RP1: variants seen among roughly 807,000 people sequenced by gnomAD.
RP1 encodes RP1 axonemal microtubule associated.
In RP1, 16 loss-of-function variants were observed where a neutral mutation model predicts 14.8. That is an observed-to-expected ratio of 1.08 (90% CI 0.73 to 1.65). RP1 has a LOEUF of 1.65. Among genes scored for constraint, RP1 ranks in the 40% most tolerant of loss-of-function variants. The pLI is 0.00. For missense variants in RP1, 2,631 were observed against 2,535.0 expected (o/e 1.04, Z -0.81); for synonymous variants, 876 against 883.6 (o/e 0.99, Z 0.15).
At chr8:54,858,704 T>C (rs1463682235) in intron 27 of RP1, among the ~76,000 whole-genome samples, 1 of 151,222 alleles carries the variant, frequency 6.6e-6, no homozygotes. Flanking sequence ...TTCTGTAAGG[T>C]GGTGTCACTG....
intron 23 of RP1, among the ~76,000 whole-genome samples, chr8:54,779,528 T>C (rs1442973503): frequency 6.6e-6 from 1 of 152,188 alleles, no homozygotes; most frequent in African/African-American, 2.4e-5. Context: ...GGGTTAATTT[T>C]CTGAACTACA....
intron 25 of RP1, among the ~76,000 whole-genome samples, chr8:54,842,900 C>A (rs1244821556): frequency 6.6e-6 from 1 of 152,184 alleles, no homozygotes; most frequent in Non-Finnish European, 1.5e-5. Flanking sequence ...AGGCCTTGCC[C>A]AGGCCTCTGC....
At chr8:54,571,992 G>T (rs1488618464) in intron 1 of RP1, among the ~76,000 whole-genome samples, 1 of 152,114 alleles carries the variant, frequency 6.6e-6, no homozygotes, top group Non-Finnish European at 1.5e-5. Flanking sequence ...CACAAGTACT[G>T]GGGGGAAGGA....
In RP1 at chr8:54,625,982, G is replaced by C; in HGVS notation, c.2100G>C (p.Glu700Asp). 6.2e-7 allele frequency: 1 copy of C among 1,613,972 alleles called. No individual in the cohort carries two copies. The highest frequency in any genetic ancestry group is 8.5e-7 in the Non-Finnish European group (1 of 1,179,944). ...LATKGILNKNERINTKGRITK... is the reference protein window; with the variant it reads ...LATKGILNKNDRINTKGRITK... Reference sequence around the variant, plus strand: ...CCAAAGGAATTCTTAATAAGAATGAGAGAATAAACACAAAAGGTAGAATTA... The same window carrying C: ...CCAAAGGAATTCTTAATAAGAATGACAGAATAAACACAAAAGGTAGAATTA... The change falls in exon 4 of 4, where the codon GAG (glutamate) becomes GAC (aspartate). Residue 700 changes from glutamate to aspartate, a missense_variant. Glu to Asp is a conservative substitution (Grantham distance 45). Coordinates refer to ENST00000220676, the MANE Select transcript of RP1 (RefSeq NM_006269.2).
At chr8:54,672,011 G>A (rs556987087) in intron 7 of RP1, among the ~76,000 whole-genome samples, 2 of 152,196 alleles carry the variant, frequency 1.3e-5, no homozygotes, top group South Asian at 4.2e-4. Context: ...GGAGGTTTGG[G>A]ACCTCTCAAA....
chr8:54,760,061 C>A (rs973607560), intron 22 of RP1, among the ~76,000 whole-genome samples: 1 of 152,106 alleles, frequency 6.6e-6, no homozygotes, highest in Non-Finnish European at 1.5e-5. Flanking sequence ...AATAATGAGG[C>A]AATTCAACTA....
intron 22 of RP1, among the ~76,000 whole-genome samples, chr8:54,766,760 C>A (rs537311947): frequency 6.6e-6 from 1 of 152,182 alleles, no homozygotes; most frequent in African/African-American, 2.4e-5. Flanking sequence ...AAAAGACTAA[C>A]AGAATTTTTG....
intron 1 of RP1, among the ~76,000 whole-genome samples, chr8:54,619,311 C>T (rs1264288158): frequency 2.0e-5 from 3 of 152,082 alleles, no homozygotes; most frequent in Non-Finnish European, 2.9e-5. Flanking sequence ...TGGACAACAG[C>T]TTGCAAACAT....
intron 1 of RP1, among the ~76,000 whole-genome samples, chr8:54,573,988 T>C (rs1804588013): frequency 6.6e-6 from 1 of 152,200 alleles, no homozygotes; most frequent in Non-Finnish European, 1.5e-5. Context: ...AGGACCTGCA[T>C]GTGTGCAGAT....
Position 54,621,596 on chromosome 8 carries a change from G to A in RP1, c.615+15G>A. On this transcript the variant is annotated intron_variant, in intron 2 of 3. Transcript: ENST00000220676. ...ACGGAAGGAGGGTGAGCGTTCTGGGGGCTCCTCGAGCCTGAGCTCATTTTG... is the reference window on the plus strand; with the variant it reads ...ACGGAAGGAGGGTGAGCGTTCTGGGAGCTCCTCGAGCCTGAGCTCATTTTG... The A allele has an allele frequency of 6.2e-7, 1 of 1,613,962 alleles. No homozygotes were observed.
At chr8:54,673,514 C>T (rs887207830) in intron 7 of RP1, among the ~76,000 whole-genome samples, 75 of 152,064 alleles carry the variant, frequency 4.9e-4, no homozygotes, top group African/African-American at 1.6e-3. Context: ...TTGAGGCGGG[C>T]GGATTGCTTG....
In RP1 at chr8:54,628,002, A is replaced by T; in HGVS notation, c.4120A>T (p.Ile1374Phe). 1 of 1,614,072 alleles carries T rather than the reference A, an allele frequency of 6.2e-7. No individual in the cohort carries two copies. Among genetic ancestry groups the T allele is most frequent in the South Asian group, 1.1e-5 (1 of 91,082 alleles). The change falls in exon 4 of 4, where the codon ATT (isoleucine) becomes TTT (phenylalanine). Residue 1374 changes from isoleucine (I) to phenylalanine (F), a missense_variant. By Grantham distance (21) the Ile-to-Phe change is conservative. Coordinates refer to ENST00000220676, the MANE Select transcript of RP1 (RefSeq NM_006269.2). ...TGATGACATTCAGAAAGATCTAAAT[A>T]TTTTGACAGACCCTGAATATAAAAA... ...RGDDIQKDLN[I>F]LTDPEYKNGF...
chr8:54,702,900 A>G (rs1193741608), intron 14 of RP1, among the ~76,000 whole-genome samples: 1 of 152,222 alleles, frequency 6.6e-6, no homozygotes, highest in Admixed American at 6.5e-5. Flanking sequence ...TTGCTCATCC[A>G]TAAGAAGTAA....
intron 1 of RP1, among the ~76,000 whole-genome samples, chr8:54,571,416 A>C (rs558852938): frequency 1.8e-3 from 268 of 152,256 alleles, no homozygotes; most frequent in African/African-American, 5.8e-3. Flanking sequence ...ATAGGTGCTT[A>C]ATGAATAGGT....
intron 1 of RP1, among the ~76,000 whole-genome samples, chr8:54,619,601 T>G (rs548394189): frequency 2.0e-5 from 3 of 152,332 alleles, no homozygotes; most frequent in Non-Finnish European, 2.9e-5. Context: ...AAGGAAAACC[T>G]TAGTGCTTTG....
chr8:54,790,486 G>T (rs1455791334), intron 24 of RP1, among the ~76,000 whole-genome samples: 1 of 151,576 alleles, frequency 6.6e-6, no homozygotes, highest in Non-Finnish European at 1.5e-5. Flanking sequence ...TCCAGTAGTT[G>T]ATCCTAGAGA....
At chr8:54,738,066 T>C (rs939337643) in intron 18 of RP1, among the ~76,000 whole-genome samples, 1 of 152,188 alleles carries the variant, frequency 6.6e-6, no homozygotes, top group African/African-American at 2.4e-5. Context: ...CTGTCTCCCT[T>C]GCTAGTCTGT....
intron 24 of RP1, among the ~76,000 whole-genome samples, chr8:54,834,571 T>C: frequency 1.3e-5 from 2 of 152,202 alleles, no homozygotes; most frequent in South Asian, 4.1e-4. Context: ...CAGGAAAGTT[T>C]TATTTTCCAG....
intron 17 of RP1, among the ~76,000 whole-genome samples, chr8:54,728,959 T>C (rs1214648834): frequency 1.3e-5 from 2 of 152,194 alleles, no homozygotes; most frequent in African/African-American, 4.8e-5. Context: ...TGTCCTCATT[T>C]AATTATTTTA....
Sources: allele counts gnomAD v4.1 joint callset (sites outside exome capture counted in the v4.1 genomes callset), GRCh38; gene constraint gnomAD v4.1.1; transcripts MANE v1.5; gene names NCBI Gene and HGNC (gene_info 2026-07-23, HGNC 2026-07-21).